NKX2-1: variants seen among roughly 807,000 people sequenced by gnomAD.
NKX2-1 encodes the protein NK2 homeobox 1, also known as homeobox protein Nkx-2.1.
A neutral mutation model predicts 35.1 loss-of-function variants in NKX2-1; 9 were observed. The observed-to-expected ratio is 0.26, with a 90% CI of 0.15 to 0.45. NKX2-1 has a LOEUF of 0.45. NKX2-1 is among the 20% of genes least tolerant of loss of function. The pLI is 1.00. For synonymous variants in NKX2-1, 284 were observed against 269.9 expected (o/e 1.05, Z -0.51); for missense variants, 509 against 589.1 (o/e 0.86, Z 1.41).
chr14:36,519,904 G>C, intron 1 of NKX2-1, 149 bp downstream of exon 1: 1 of 1,267,580 alleles, frequency 7.9e-7, no homozygotes, highest in Non-Finnish European at 1.1e-6. Context: ...CAGAGGAGGA[G>C]AGATGGTTGA....
Position 36,517,954 on chromosome 14 carries a change from C to G in NKX2-1, c.530G>C (p.Gly177Ala), listed in dbSNP as rs201057772. The G allele has an allele frequency of 1.9e-6, 3 of 1,601,374 alleles. No individual in the cohort carries two copies. Among genetic ancestry groups the G allele is most frequent in the Admixed American group, 1.7e-5 (1 of 59,986 alleles). ...MSGMGGLGSL[G>A]DVSKNMAPLP... ...CGGGGCCATGTTCTTGCTCACGTCC[C>G]CCAGCGAGCCCAGGCCGCCCATGCC... The change falls in exon 3 of 3, where the codon GGG becomes GCG. Residue 177 changes from glycine (G) to alanine (A), a missense_variant. This residue lies in a region of NKX2-1 where 271 missense variants were observed against 284.1 expected (regional missense o/e 0.95). Transcript: ENST00000354822.
At chr14:36,519,404 G>C (rs1280757313) in intron 1 of NKX2-1, 34 bp from the exon 2 acceptor site, 3 of 1,612,188 alleles carry the variant, frequency 1.9e-6, no homozygotes, top group Middle Eastern at 1.7e-4. Context: ...AAAAAAAAGG[G>C]AGAGGGGGAA....
In NKX2-1 at chr14:36,519,226, G is replaced by C. The variant is rs1193942265; in HGVS notation, c.222C>G (p.Gly74=). ...LGAPLAAYRQ[G]QAAPPTAAMQ... is the part of the protein sequence containing the mutation. Reference sequence around the variant, plus strand: ...TGGCCGCTGTTGGCGGTGCCGCCTGGCCCTGCCTGTACGCCGCCAGCGGAG... The same window carrying C: ...TGGCCGCTGTTGGCGGTGCCGCCTGCCCCTGCCTGTACGCCGCCAGCGGAG... The change falls in exon 2 of 3, where the codon GGC becomes GGG. Residue 74 remains glycine, a synonymous_variant. Coordinates refer to ENST00000354822, the MANE Select transcript of NKX2-1 (RefSeq NM_001079668.3). 10 of 1,606,960 alleles carry C rather than the reference G, an allele frequency of 6.2e-6. No individual in the cohort carries two copies. Among genetic ancestry groups the C allele is most frequent in the Non-Finnish European group, 8.5e-6 (10 of 1,177,262 alleles).
Position 36,520,076 on chromosome 14 carries a change from C to T in NKX2-1, c.54G>A (p.Gly18=). Residue 18 remains glycine, a synonymous_variant, in exon 1 of 3, where the codon GGG becomes GGA. Coordinates refer to ENST00000354822, the MANE Select transcript of NKX2-1 (RefSeq NM_001079668.3). Reference sequence around the variant, plus strand: ...ACCTGAGCCTGCCGGGGCTGCTCCTCCCTCCCGCCGCGGCCTCCCAGCCCC... The same window carrying T: ...ACCTGAGCCTGCCGGGGCTGCTCCTTCCTCCCGCCGCGGCCTCCCAGCCCC... ...KARGWEAAAG[G]RSSPGRLSRR... 2 of 1,612,894 alleles carry T rather than the reference C, an allele frequency of 1.2e-6. No homozygotes were observed. Among genetic ancestry groups the T allele is most frequent in the Non-Finnish European group, 8.5e-7 (1 of 1,179,860 alleles).
chr14:36,519,561 G>C, intron 1 of NKX2-1, 191 bp from the exon 2 acceptor site: 1 of 1,534,432 alleles, frequency 6.5e-7, no homozygotes, highest in Non-Finnish European at 8.7e-7. Flanking sequence ...CCTCGCGTTT[G>C]TTTTAGCCCG....
At chr14:36,518,480 G>C (rs1027513587) in intron 2 of NKX2-1, among the ~76,000 whole-genome samples, 101 of 152,146 alleles carry the variant, frequency 6.6e-4, no homozygotes, top group African/African-American at 2.4e-3. Flanking sequence ...TTGCCTCTTG[G>C]CTTCTCTCCT....
chr14:36,519,169 G>T lies in NKX2-1; in HGVS notation c.279C>A (p.Ala93=), dbSNP rs1346114723. 4 of 1,604,502 alleles carry T rather than the reference G, an allele frequency of 2.5e-6. No individual in the cohort carries two copies. The highest frequency in any genetic ancestry group is 2.6e-6 in the Non-Finnish European group (3 of 1,176,288). ...CCGTCATGTGGTAGGCGGCGGTGAC[G>T]GCGCCGTGGTGCCCCACGGCGTGCT... ...MQQHAVGHHG[A]VTAAYHMTAA... Residue 93 remains alanine (A), a synonymous_variant, in exon 2 of 3, where the codon GCC becomes GCA. Transcript: ENST00000354822.
In NKX2-1 at chr14:36,517,033, T is replaced by C; in HGVS notation, c.*245A>G. The C allele has an allele frequency of 1.4e-6, 1 of 712,724 alleles. No homozygotes were observed. The highest frequency in any genetic ancestry group is 2.0e-5 in the South Asian group (1 of 49,884). 44.1% of individuals were successfully genotyped at this position (712,724 alleles called of 1,614,324 possible). A position where few individuals can be genotyped will look rare whatever the true frequency, so the allele number is the denominator to read the frequency against. On this transcript the variant is annotated 3_prime_UTR_variant, in exon 3 of 3. Transcript: ENST00000354822. The stretch of plus-strand genomic sequence containing the variant: ...TCTCTGCTTAAAGATTCCTTGAGAT[T>C]GGATGCGCTTGGTTGTTTTTCATTT...
chr14:36,519,816 C>G (rs1227999771), intron 1 of NKX2-1: 42 of 1,384,270 alleles, frequency 3.0e-5, no homozygotes, highest in African/African-American at 8.8e-5. Flanking sequence ...ACCAGCGGAG[C>G]GCGGGGAGGA....
At position 36,517,523 on chromosome 14, in the gene NKX2-1, G is replaced by C. The variant is rs1594403453; in HGVS notation, c.961C>G (p.Gln321Glu). The part of the protein sequence containing the change: ...SLQGHAQQQA[Q>E]HQAQAAQAAA... ...GCCTGCGCGGCCTGCGCCTGGTGCT[G>C]CGCCTGCTGCTGCGCGTGGCCTTGT... Residue 321 changes from glutamine to glutamate, a missense_variant, in exon 3 of 3, where the codon CAG (glutamine) becomes GAG (glutamate). By Grantham distance (29) the Gln-to-Glu change is conservative (BLOSUM62 2). Coordinates refer to ENST00000354822, the MANE Select transcript of NKX2-1 (RefSeq NM_001079668.3). The C allele has an allele frequency of 4.3e-6, 6 of 1,407,436 alleles. No individual in the cohort carries two copies. The highest frequency in any genetic ancestry group is 5.5e-6 in the Non-Finnish European group (6 of 1,088,740). 87.2% of individuals were successfully genotyped at this position (1,407,436 alleles called of 1,614,324 possible). A position where few individuals can be genotyped will look rare whatever the true frequency, so the allele number is the denominator to read the frequency against.
At chr14:36,519,480 C>T in intron 1 of NKX2-1, 110 bp from the exon 2 acceptor site, 1 of 1,546,504 alleles carries the variant, frequency 6.5e-7, no homozygotes, top group Admixed American at 2.0e-5. Flanking sequence ...TAACGCCGAT[C>T]TTGTTGGATG....
At position 36,517,375 on chromosome 14, in the gene NKX2-1, A is replaced by T. The variant is rs2139405528; in HGVS notation, c.1109T>A (p.Leu370Gln). The T allele has an allele frequency of 1.2e-6, 2 of 1,606,662 alleles. No homozygotes were observed. Among genetic ancestry groups the T allele is most frequent in the Non-Finnish European group, 8.5e-7 (1 of 1,178,036 alleles). ...LAHHAASPAA[L>Q]QGQVSSLSHL... ...GGACAGGCTGGATACCTGGCCCTGC[A>T]GCGCCGCGGGGCTGGCGGCGTGGTG... Residue 370 changes from leucine to glutamine, a missense_variant, in exon 3 of 3, where the codon CTG becomes CAG. Physicochemically the swap from Leu to Gln is moderately radical, Grantham distance 113. Coordinates refer to ENST00000354822, the MANE Select transcript of NKX2-1 (RefSeq NM_001079668.3).
chr14:36,516,817 CA>C lies in NKX2-1; in HGVS notation c.*460del, dbSNP rs5807883. ...CTCTCCCCAGCTCCCGTCCTCCCTT[CA>C]AAAAAAAAAAAAAATCCTGGTATTT... On this transcript the variant is annotated 3_prime_UTR_variant, in exon 3 of 3. Coordinates refer to ENST00000354822, the MANE Select transcript of NKX2-1 (RefSeq NM_001079668.3). 0.15 allele frequency: 31,361 copies of C among 213,958 alleles called. 1,440 individuals carry two copies. Among genetic ancestry groups the C allele is most frequent in the East Asian group, 0.28 (4,315 of 15,204 alleles). The allele number at this position is 213,958 out of a possible 1,614,324, so 13.3% of individuals were successfully genotyped here.
At chr14:36,519,592 AC>A in intron 1 of NKX2-1, 4 of 1,533,778 alleles carry the variant, frequency 2.6e-6, no homozygotes, top group Non-Finnish European at 2.6e-6. Flanking sequence ...TTAGGCAGCC[AC>A]CAGAGGCGGG....
At position 36,518,156 on chromosome 14, in the gene NKX2-1, A is replaced by C. The variant is rs549118350; in HGVS notation, c.464-136T>G. On this transcript the variant is annotated intron_variant, in intron 2 of 2. Transcript: ENST00000354822. ...CCCAGGCAGCCTAGCGCTGGGGCCC[A>C]AGAGGCCCATCCGCGGGGAACTGCC... The C allele has an allele frequency of 7.0e-4, 869 of 1,245,480 alleles. 2 individuals carry two copies. The highest frequency in any genetic ancestry group is 9.2e-4 in the Non-Finnish European group (831 of 903,302). The allele number at this position is 1,245,480 out of a possible 1,614,324, so 77.2% of individuals were successfully genotyped here.
Position 36,519,307 on chromosome 14 carries a change from C to T in NKX2-1, c.141G>A (p.Leu47=). 1 of 1,613,030 alleles carries T rather than the reference C, an allele frequency of 6.2e-7. No individual in the cohort carries two copies. The highest frequency in any genetic ancestry group is 1.7e-5 in the Admixed American group (1 of 60,018). ...TCTTGTAGCTTTCCTCCAGGGGACT[C>T]AAGATGTCAGACACTGAGAACGGAG... ...HTTPFSVSDI[L]SPLEESYKKV... is the part of the protein sequence containing the mutation. Residue 47 remains leucine (L), a synonymous_variant, in exon 2 of 3, where the codon TTG becomes TTA. Coordinates refer to ENST00000354822, the MANE Select transcript of NKX2-1 (RefSeq NM_001079668.3).
chr14:36,518,852 G>C (rs1881191927), intron 2 of NKX2-1, 133 bp downstream of exon 2: 1 of 1,214,256 alleles, frequency 8.2e-7, no homozygotes, highest in African/African-American at 1.6e-5. Flanking sequence ...CCGCACCCAA[G>C]TCCCTGGCGC....
chr14:36,519,833 G>T, intron 1 of NKX2-1: 1 of 1,332,882 alleles, frequency 7.5e-7, no homozygotes, highest in Non-Finnish European at 1.0e-6. Flanking sequence ...AGGAGGTGGA[G>T]GGGAGGGGAA....
Position 36,516,636 on chromosome 14 carries a change from G to A in NKX2-1, c.*642C>T, listed in dbSNP as rs11541293. 4.5e-6 allele frequency: 1 copy of A among 223,754 alleles called. No individual in the cohort carries two copies. The highest frequency in any genetic ancestry group is 8.9e-6 in the Non-Finnish European group (1 of 111,958). 13.9% of individuals were successfully genotyped at this position (223,754 alleles called of 1,614,324 possible). ...CAGATTACTAAAAACTAGGCATTTA[G>A]TCCAACTTTTGACAGCGTTTTACAG... On this transcript the variant is annotated 3_prime_UTR_variant, in exon 3 of 3. Transcript: ENST00000354822.
Sources: gnomAD v4.1 joint callset for allele counts (sites outside exome capture counted in the v4.1 genomes callset) on GRCh38, gnomAD v4.1.1 for gene constraint, gnomAD v4.1.1 regional missense constraint, MANE v1.5 for transcripts, NCBI Gene and HGNC (gene_info 2026-07-23, HGNC 2026-07-21) for gene names.